DLGAP2: variants seen among roughly 807,000 people sequenced by gnomAD.
DLGAP2 encodes disks large-associated protein 2.
A neutral mutation model predicts 100.3 loss-of-function variants in DLGAP2; 26 were observed. The observed-to-expected ratio is 0.26, with a 90% CI of 0.19 to 0.36. The LOEUF (loss-of-function observed/expected upper bound fraction) is 0.36, where lower values mean the gene tolerates loss of function less well. Among genes scored for constraint, DLGAP2 ranks in the 10% least tolerant of loss-of-function variants. The probability of loss-of-function intolerance (pLI) is 1.00; values close to 1 mark genes in which losing one functional copy is unlikely to be tolerated. For synonymous variants in DLGAP2, 886 were observed against 630.1 expected (o/e 1.41, Z -6.08); for missense variants, 1,858 against 1,453.2 (o/e 1.28, Z -4.53).
chr8:1,365,165 A>G (rs1802080965), intron 3 of DLGAP2, among the ~76,000 whole-genome samples: 2 of 152,182 alleles, frequency 1.3e-5, no homozygotes, highest in Admixed American at 6.5e-5. Flanking sequence ...GGTTCGGGGC[A>G]TTTGAGGGGT....
intron 3 of DLGAP2, among the ~76,000 whole-genome samples, chr8:1,276,360 C>G (rs1400920928): frequency 1.3e-5 from 2 of 151,902 alleles, no homozygotes; most frequent in African/African-American, 2.4e-5. Context: ...AATGTAGATT[C>G]GCGTCGGGCA....
intron 2 of DLGAP2, among the ~76,000 whole-genome samples, chr8:1,009,498 G>A (rs1318221297): frequency 6.6e-6 from 1 of 152,188 alleles, no homozygotes; most frequent in Non-Finnish European, 1.5e-5. Context: ...TTGACTGAAT[G>A]ATGAAGTGAA....
At chr8:1,026,857 A>C (rs1036328341) in intron 2 of DLGAP2, among the ~76,000 whole-genome samples, 5 of 152,188 alleles carry the variant, frequency 3.3e-5, no homozygotes, top group Non-Finnish European at 7.3e-5. Context: ...CTGACCCCCA[A>C]CACATTTATT....
At chr8:1,156,174 G>A (rs946885016) in intron 2 of DLGAP2, among the ~76,000 whole-genome samples, 14 of 152,156 alleles carry the variant, frequency 9.2e-5, no homozygotes, top group African/African-American at 3.4e-4. Context: ...GTGAATCACC[G>A]GGGCTGCAGC....
intron 2 of DLGAP2, among the ~76,000 whole-genome samples, chr8:974,406 A>G (rs570085609): frequency 2.0e-5 from 3 of 152,342 alleles, no homozygotes; most frequent in East Asian, 3.9e-4. Flanking sequence ...CCAACCCAGA[A>G]TTCTGTCTAT....
intron 1 of DLGAP2, among the ~76,000 whole-genome samples, chr8:903,685 C>G (rs1439551613): frequency 6.6e-6 from 1 of 152,134 alleles, no homozygotes; most frequent in African/African-American, 2.4e-5. Flanking sequence ...GGACGCCAAG[C>G]TCTCCCGCCC....
intron 2 of DLGAP2, among the ~76,000 whole-genome samples, chr8:1,211,937 T>C (rs1349654445): frequency 1.1e-4 from 17 of 152,218 alleles, no homozygotes; most frequent in Admixed American, 1.1e-3. Flanking sequence ...TCAGTGCTCC[T>C]CGTGCTCCAG....
intron 2 of DLGAP2, among the ~76,000 whole-genome samples, chr8:1,213,945 A>T (rs113112978): frequency 7.2e-5 from 11 of 152,060 alleles, no homozygotes; most frequent in African/African-American, 2.4e-4. Flanking sequence ...GCTGAGGTTG[A>T]CGGTGTAATT....
At chr8:1,447,923 G>A (rs978156382) in intron 3 of DLGAP2, among the ~76,000 whole-genome samples, 24 of 152,186 alleles carry the variant, frequency 1.6e-4, no homozygotes, top group Admixed American at 7.2e-4. Context: ...CTGTGGGATC[G>A]GTGGTGATAT....
chr8:1,176,599 G>C (rs997538183), intron 2 of DLGAP2, among the ~76,000 whole-genome samples: 1 of 22,492 alleles, frequency 4.4e-5, no homozygotes, highest in Non-Finnish European at 9.5e-5. Context: ...TCCAGTGCAC[G>C]ACAGGGGTCG....
chr8:1,625,797 A>G (rs1016945234), intron 6 of DLGAP2, among the ~76,000 whole-genome samples: 13 of 152,256 alleles, frequency 8.5e-5, no homozygotes, highest in African/African-American at 1.9e-4. Flanking sequence ...TTCAAAGGCA[A>G]TTTTGTAAAT....
intron 3 of DLGAP2, among the ~76,000 whole-genome samples, chr8:1,410,577 G>C (rs555111751): frequency 1.3e-5 from 2 of 152,336 alleles, no homozygotes; most frequent in South Asian, 4.1e-4. Flanking sequence ...CATCAAGTCA[G>C]CTCCCTTCTC....
In DLGAP2 at chr8:1,626,111, G is replaced by A. The variant is rs569760782; in HGVS notation, c.1443-629G>A. ...CTCAGCCTCTGGGTGTGGGTTGGACGGCTGTTCCCACCTCTGCCCTGTGGC... is the reference window on the plus strand; with the variant it reads ...CTCAGCCTCTGGGTGTGGGTTGGACAGCTGTTCCCACCTCTGCCCTGTGGC... On this transcript the variant is annotated intron_variant, in intron 6 of 14. Coordinates refer to ENST00000637795, the MANE Select transcript of DLGAP2 (RefSeq NM_001346810.2). Among the ~76,000 whole-genome samples the A allele has an allele frequency of 3.9e-4, 56 of 145,286 alleles. 2 individuals are homozygous for A. Among genetic ancestry groups the A allele is most frequent in the African/African-American group, 1.5e-3 (54 of 36,962 alleles).
intron 8 of DLGAP2, among the ~76,000 whole-genome samples, chr8:1,649,166 A>C (rs1344433347): frequency 1.3e-5 from 2 of 152,272 alleles, no homozygotes; most frequent in African/African-American, 2.4e-5. Flanking sequence ...GATGTCCAAA[A>C]GCCAATGCTA....
At chr8:820,515 A>G (rs907859461) in intron 1 of DLGAP2, among the ~76,000 whole-genome samples, 17 of 152,234 alleles carry the variant, frequency 1.1e-4, no homozygotes, top group Admixed American at 8.5e-4. Flanking sequence ...AAAGAAAAAA[A>G]CTAAGAAACA....
intron 3 of DLGAP2, among the ~76,000 whole-genome samples, chr8:1,452,982 A>G (rs1798203657): frequency 1.3e-5 from 2 of 152,204 alleles, no homozygotes; most frequent in Non-Finnish European, 2.9e-5. Flanking sequence ...ATGGATGGGA[A>G]GGAGACGTGA....
chr8:1,149,460 T>C (rs1295118957), intron 2 of DLGAP2, among the ~76,000 whole-genome samples: 1 of 152,216 alleles, frequency 6.6e-6, no homozygotes, highest in African/African-American at 2.4e-5. Flanking sequence ...AATTACCCTC[T>C]TTATCTCTTT....
At chr8:1,188,914 G>A (rs571402827) in intron 2 of DLGAP2, among the ~76,000 whole-genome samples, 1 of 152,362 alleles carries the variant, frequency 6.6e-6, no homozygotes, top group African/African-American at 2.4e-5. Flanking sequence ...CCTCACACAG[G>A]TTGCCTTGTG....
At chr8:1,485,942 G>A (rs1218816009) in intron 3 of DLGAP2, among the ~76,000 whole-genome samples, 13 of 152,176 alleles carry the variant, frequency 8.5e-5, no homozygotes, top group Non-Finnish European at 1.3e-4. Context: ...CAGGAGGATC[G>A]CTTGAACCCC....
Sources: gnomAD v4.1 joint callset for allele counts (sites outside exome capture counted in the v4.1 genomes callset) on GRCh38, gnomAD v4.1.1 for gene constraint, MANE v1.5 for transcripts, NCBI Gene and HGNC (gene_info 2026-07-23, HGNC 2026-07-21) for gene names.